Variants in STK31 observed in about 807,000 individuals in gnomAD.
STK31 encodes the protein serine/threonine-protein kinase 31.
A neutral mutation model predicts 129.7 loss-of-function variants in STK31; 89 were observed. The ratio of observed to expected loss-of-function variants is 0.69; its 90% CI spans 0.58 to 0.82. The LOEUF (loss-of-function observed/expected upper bound fraction) is 0.82. Ranked by LOEUF, STK31 falls within the 40% of genes least tolerant of loss-of-function variation. The pLI, the probability that STK31 is intolerant of heterozygous loss-of-function variation, is 0.00. For synonymous variants in STK31, 448 were observed against 395.3 expected (o/e 1.13, Z -1.58); for missense variants, 1,187 against 1,176.4 (o/e 1.01, Z -0.13).
chr7:23,785,940 A>G (rs1234643678), intron 18 of STK31, among the ~76,000 whole-genome samples: 1 of 152,152 alleles, frequency 6.6e-6, no homozygotes, highest in Non-Finnish European at 1.5e-5. Context: ...ACATGTATAC[A>G]TATGTAACAA....
chr7:23,826,315 GTTC>G (rs1299474005), intron 23 of STK31, among the ~76,000 whole-genome samples: 1 of 152,098 alleles, frequency 6.6e-6, no homozygotes, highest in Non-Finnish European at 1.5e-5. Context: ...AGGATAGTTA[GTTC>G]TTCTTGTTGA....
Position 23,726,792 on chromosome 7 carries a change from A to G in STK31, c.250-449A>G, listed in dbSNP as rs376145143. ...TTATACGTAAAGTAAAAAGTATGAA[A>G]TCTTTCTTGCTTGGTAGGAAATATG... is the stretch of plus-strand genomic sequence containing the variant. On this transcript the variant is annotated intron_variant, in intron 4 of 23. Coordinates refer to ENST00000355870, the MANE Select transcript of STK31 (RefSeq NM_031414.5). Among the ~76,000 whole-genome samples the G allele has an allele frequency of 2.0e-4, 30 of 152,288 alleles. 2 individuals carry two copies. The East Asian group carries it at 3.3e-3, about 17-fold the overall frequency.
chr7:23,813,519 C>CA lies in STK31; in HGVS notation c.2761-1624dup, dbSNP rs1445184916. Among the ~76,000 whole-genome samples, 25 of 152,300 alleles carry CA rather than the reference C, an allele frequency of 1.6e-4. 1 individual carries two copies. The South Asian group carries it at 5.2e-3, about 32-fold the overall frequency. On this transcript the variant is annotated intron_variant, in intron 22 of 23. Transcript: ENST00000355870. ...CTACTGAAAATTTTATTTTAGCAGG[C>CA]AGTCACCTTGTTTAGGTTTAAACAG...
At chr7:23,754,687 T>G (rs1183616183) in intron 10 of STK31, among the ~76,000 whole-genome samples, 1 of 152,154 alleles carries the variant, frequency 6.6e-6, no homozygotes, top group Admixed American at 6.5e-5. Flanking sequence ...GTGTATTGTT[T>G]CCCTCCCTGT....
chr7:23,724,426 T>G (rs1453660065), intron 4 of STK31, among the ~76,000 whole-genome samples: 1 of 152,146 alleles, frequency 6.6e-6, no homozygotes, highest in Non-Finnish European at 1.5e-5. Flanking sequence ...GGCTAGGTGA[T>G]TAAAGAGACA....
chr7:23,790,114 A>G (rs1791527598), intron 21 of STK31, among the ~76,000 whole-genome samples: 2 of 152,298 alleles, frequency 1.3e-5, no homozygotes, highest in African/African-American at 4.8e-5. Flanking sequence ...CCCTTGGACC[A>G]TACTTTGAGA....
chr7:23,761,698 G>A (rs975816288), intron 10 of STK31, among the ~76,000 whole-genome samples: 1 of 150,734 alleles, frequency 6.6e-6, no homozygotes, highest in Admixed American at 6.6e-5. Flanking sequence ...GTGGGCCACC[G>A]TGCCCAGATG....
chr7:23,712,891 T>C (rs1470878078), intron 3 of STK31, among the ~76,000 whole-genome samples: 1 of 152,160 alleles, frequency 6.6e-6, no homozygotes, highest in East Asian at 1.9e-4. Context: ...TTGTAAACTA[T>C]ACATGATACG....
intron 8 of STK31, among the ~76,000 whole-genome samples, chr7:23,750,838 G>A (rs1373976152): frequency 6.6e-6 from 1 of 152,118 alleles, no homozygotes; most frequent in African/African-American, 2.4e-5. Flanking sequence ...TAGGTATTTA[G>A]GATATCGATC....
At position 23,729,113 on chromosome 7, in the gene STK31, A is replaced by G. The variant is rs1191041032; in HGVS notation, c.347A>G (p.Tyr116Cys). The G allele has an allele frequency of 6.2e-7, 1 of 1,610,250 alleles. No homozygotes were observed. The change falls in exon 6 of 24, where the codon TAT becomes TGT. Residue 116 changes from tyrosine to cysteine, a missense_variant. Around this residue, in one of 5 missense-constraint regions of STK31, gnomAD observed 103 missense variants for 110.4 expected, o/e 0.93. Coordinates refer to ENST00000355870, the MANE Select transcript of STK31 (RefSeq NM_031414.5). ...VEKCLVRYID[Y>C]GNTEILNRSD... ...CAGTGTCTGGTGAGGTACATTGACT[A>G]TGGAAATACTGAAATTCTAAATCGA...
At chr7:23,798,901 C>G (rs560407250) in intron 22 of STK31, among the ~76,000 whole-genome samples, 4 of 152,328 alleles carry the variant, frequency 2.6e-5, no homozygotes, top group Admixed American at 2.6e-4. Flanking sequence ...AGCAAAGTCT[C>G]AGGATACAAA....
intron 10 of STK31, among the ~76,000 whole-genome samples, chr7:23,761,341 G>T (rs1313332593): frequency 6.6e-6 from 1 of 150,982 alleles, no homozygotes; most frequent in Non-Finnish European, 1.5e-5. Context: ...TTCCCTTATT[G>T]TACTTATTTT....
At position 23,818,787 on chromosome 7, in the gene STK31, G is replaced by A. The variant is rs905071324; in HGVS notation, c.2829+3575G>A. 5.3e-5 allele frequency among the ~76,000 whole-genome samples: 8 copies of A among 152,090 alleles called. No homozygotes were observed. The East Asian group carries it at 1.4e-3, about 26-fold the overall frequency. On this transcript the variant is annotated intron_variant, in intron 23 of 23. Coordinates refer to ENST00000355870, the MANE Select transcript of STK31 (RefSeq NM_031414.5). ...CTACAGTCACATGCCACCACACCTG[G>A]CTAATTTTTGTATTTTTAGTAGAGA...
intron 6 of STK31, among the ~76,000 whole-genome samples, chr7:23,729,871 G>A (rs2128074539): frequency 6.6e-6 from 1 of 152,194 alleles, no homozygotes; most frequent in South Asian, 2.1e-4. Context: ...AATTGTTTTG[G>A]GAAAGTATTT....
At chr7:23,802,162 G>T (rs1792414563) in intron 22 of STK31, among the ~76,000 whole-genome samples, 1 of 152,320 alleles carries the variant, frequency 6.6e-6, no homozygotes, top group South Asian at 2.1e-4. Context: ...AGAGGAGGCA[G>T]CCCTGAGTTT....
intron 22 of STK31, among the ~76,000 whole-genome samples, chr7:23,797,334 A>T (rs570845959): frequency 6.6e-6 from 1 of 152,238 alleles, no homozygotes; most frequent in South Asian, 2.1e-4. Flanking sequence ...ACCACATAAC[A>T]CTTATTCAGA....
At chr7:23,773,144 A>G (rs902828308) in intron 15 of STK31, among the ~76,000 whole-genome samples, 3 of 152,056 alleles carry the variant, frequency 2.0e-5, no homozygotes, top group African/African-American at 7.2e-5. Context: ...TGCTGCACCC[A>G]TCAACCCGTC....
chr7:23,808,733 G>A (rs890849935), intron 22 of STK31, among the ~76,000 whole-genome samples: 4 of 152,106 alleles, frequency 2.6e-5, no homozygotes, highest in African/African-American at 7.2e-5. Flanking sequence ...AGGAAGCAAA[G>A]GGATGACTTC....
At chr7:23,821,108 A>G (rs1440882992) in intron 23 of STK31, among the ~76,000 whole-genome samples, 1 of 152,072 alleles carries the variant, frequency 6.6e-6, no homozygotes, top group Non-Finnish European at 1.5e-5. Context: ...GCTGCAATAA[A>G]CATGGGGATG....
Sources: allele counts gnomAD v4.1 joint callset (sites outside exome capture counted in the v4.1 genomes callset), GRCh38; gene constraint gnomAD v4.1.1; regional missense constraint gnomAD v4.1.1; transcripts MANE v1.5; gene names NCBI Gene and HGNC (gene_info 2026-07-23, HGNC 2026-07-21).